DAO: variants seen among roughly 807,000 people sequenced by gnomAD.
DAO encodes the protein D-amino-acid oxidase.
DAO carries 51 observed loss-of-function variants against 50.1 expected under a neutral mutation model. The observed-to-expected ratio is 1.02, with a 90% confidence interval of 0.81 to 1.29. The LOEUF (loss-of-function observed/expected upper bound fraction) is 1.29, where lower values mean the gene tolerates loss of function less well. DAO is among the 50% of genes most tolerant of loss of function. The pLI, the probability that DAO is intolerant of heterozygous loss-of-function variation, is 0.00. For missense variants in DAO, 436 were observed against 439.4 expected (o/e 0.99, Z 0.07); for synonymous variants, 160 against 166.2 (o/e 0.96, Z 0.29).
intron 2 of DAO, among the ~76,000 whole-genome samples, chr12:108,885,982 C>T (rs1413643172): frequency 6.6e-6 from 1 of 152,134 alleles, no homozygotes. Context: ...GAACTCCTGA[C>T]CTCAAGTGAT....
In DAO at chr12:108,897,591, G is replaced by A. The variant is rs146302007; in HGVS notation, c.695+503G>A. Among the ~76,000 whole-genome samples the A allele has an allele frequency of 3.8e-4, 58 of 151,890 alleles. 1 individual carries two copies. The East Asian group carries it at 0.011, about 29-fold the overall frequency. On this transcript the variant is annotated intron_variant, in intron 8 of 10. Coordinates refer to ENST00000228476, the MANE Select transcript of DAO (RefSeq NM_001917.5). ...GACTCAGCCTCGACTGAGGTCTACCGTGAACATTCTTTTGGATGACAATAG... is the reference window on the plus strand; with the variant it reads ...GACTCAGCCTCGACTGAGGTCTACCATGAACATTCTTTTGGATGACAATAG...
chr12:108,881,174 A>ACACACACACAC lies in DAO; in HGVS notation c.-10+951_-10+961dup, dbSNP rs2039373719. On this transcript the variant is annotated intron_variant, in intron 1 of 10. Transcript: ENST00000228476. ...ACAGACATTCTAATCACACACACAC[A>ACACACACACAC]CACACACACACACACACACACACAA... 2.0e-5 allele frequency among the ~76,000 whole-genome samples: 3 copies of ACACACACACAC among 151,404 alleles called. No homozygotes were observed. The South Asian group carries it at 6.3e-4, about 32-fold the overall frequency.
intron 7 of DAO, among the ~76,000 whole-genome samples, chr12:108,894,697 A>G (rs2039528235): frequency 6.6e-6 from 1 of 152,062 alleles, no homozygotes; most frequent in Non-Finnish European, 1.5e-5. Context: ...ATTATTATTA[A>G]TTATTAATTG....
At chr12:108,898,454 G>T in intron 8 of DAO, 1 of 549,566 alleles carries the variant, frequency 1.8e-6, no homozygotes, top group East Asian at 3.3e-5. Flanking sequence ...TGGTGGTGAT[G>T]ACCTATTAAT....
chr12:108,880,604 T>C (rs539267750), intron 1 of DAO, among the ~76,000 whole-genome samples: 4 of 146,100 alleles, frequency 2.7e-5, no homozygotes, highest in African/African-American at 1.1e-4. Flanking sequence ...TTATAGCTTC[T>C]GTTCCATTTC....
At chr12:108,889,598 C>A in intron 4 of DAO, 53 bp downstream of exon 4, 1 of 1,431,124 alleles carries the variant, frequency 7.0e-7, no homozygotes, top group South Asian at 1.1e-5. Flanking sequence ...GTTAGCAGAC[C>A]TGTCCAGAAG....
intron 7 of DAO, among the ~76,000 whole-genome samples, chr12:108,895,594 G>A (rs2039544024): frequency 6.7e-6 from 1 of 148,806 alleles, no homozygotes; most frequent in African/African-American, 2.5e-5. Context: ...GTATGTACGT[G>A]TGTGATGGTG....
Position 108,884,990 on chromosome 12 carries a change from T to C in DAO, c.-9-8T>C, listed in dbSNP as rs1397005533. On this transcript the variant is annotated splice_region_variant and splice_polypyrimidine_tract_variant and intron_variant, in intron 1 of 10. Coordinates refer to ENST00000228476, the MANE Select transcript of DAO (RefSeq NM_001917.5). ...ATGATGTTGTGCCTCAACCCTTCCT[T>C]CCCACAGGCTGCTGCAATGCGTGTG... 2 of 1,613,662 alleles carry C rather than the reference T, an allele frequency of 1.2e-6. No homozygotes were observed. The highest frequency in any genetic ancestry group is 1.7e-6 in the Non-Finnish European group (2 of 1,179,652).
intron 10 of DAO, chr12:108,899,706 G>T (rs1040534113): frequency 3.5e-6 from 2 of 572,324 alleles, no homozygotes; most frequent in Non-Finnish European, 6.3e-6. Flanking sequence ...TGGAGGTGGT[G>T]CTGATGAGAT....
chr12:108,899,806 G>T (rs1399647632), intron 10 of DAO: 1 of 395,228 alleles, frequency 2.5e-6, no homozygotes, highest in Non-Finnish European at 4.8e-6. Flanking sequence ...CACAGCAGAG[G>T]TGACGATCTC....
At chr12:108,883,349 T>C (rs950821051) in intron 1 of DAO, among the ~76,000 whole-genome samples, 1 of 152,214 alleles carries the variant, frequency 6.6e-6, no homozygotes, top group Non-Finnish European at 1.5e-5. Context: ...GGTTTCACCA[T>C]CTTGGCCAGA....
rs150760302 is a variant in DAO, at chr12:108,894,327, G to A, written c.572G>A (p.Arg191Gln). 58 of 1,613,880 alleles carry A rather than the reference G, an allele frequency of 3.6e-5. No individual in the cohort carries two copies. The East Asian group carries it at 4.5e-4, about 12-fold the overall frequency. Residue 191 changes from arginine to glutamine, a missense_variant, in exon 7 of 11, where the codon CGA (arginine) becomes CAA (glutamine). Arg to Gln is a conservative substitution (Grantham distance 43, BLOSUM62 1). Coordinates refer to ENST00000228476, the MANE Select transcript of DAO (RefSeq NM_001917.5). Reference protein sequence around the residue: ...CTGVWAGALQRDPLLQPGRGQ... With the variant: ...CTGVWAGALQQDPLLQPGRGQ... ...GGGGTATGGGCTGGGGCGCTACAAC[G>A]AGACCCCCTGCTGCAGCCAGGCCGG...
intron 3 of DAO, 26 bp downstream of exon 3, chr12:108,887,590 G>A (rs1346413738): frequency 1.3e-6 from 2 of 1,539,102 alleles, no homozygotes; most frequent in Non-Finnish European, 9.0e-7. Flanking sequence ...TTGACCATGA[G>A]GGATGAGCAC....
chr12:108,897,660 C>A (rs1264284772), intron 8 of DAO, among the ~76,000 whole-genome samples: 2 of 151,746 alleles, frequency 1.3e-5, no homozygotes, highest in African/African-American at 2.4e-5. Context: ...TGTGGTGACA[C>A]TAAAAGTGGT....
intron 6 of DAO, 66 bp downstream of exon 6, chr12:108,893,102 C>A: frequency 6.8e-7 from 1 of 1,469,918 alleles, no homozygotes; most frequent in Non-Finnish European, 9.5e-7. Context: ...CTTCTTGCTG[C>A]TGAGTCGGGG....
At chr12:108,898,863 A>G in intron 9 of DAO, 67 bp downstream of exon 9, 3 of 1,018,652 alleles carry the variant, frequency 2.9e-6, no homozygotes, top group Non-Finnish European at 4.7e-6. Flanking sequence ...AGGACACTTC[A>G]GGACGGGAAG....
intron 8 of DAO, 68 bp downstream of exon 8, chr12:108,897,156 C>T: frequency 9.5e-7 from 1 of 1,051,228 alleles, no homozygotes; most frequent in South Asian, 1.3e-5. Context: ...CCTGCTGCCT[C>T]CCCCAAGCTC....
chr12:108,883,742 G>T (rs1244001379), intron 1 of DAO: 1 of 415,962 alleles, frequency 2.4e-6, no homozygotes, highest in East Asian at 7.4e-5. Flanking sequence ...CCAAGCTCGG[G>T]CTCGAAGCTG....
At chr12:108,898,624 T>C in intron 8 of DAO, 55 bp from the exon 9 acceptor site, 1 of 1,188,798 alleles carries the variant, frequency 8.4e-7, no homozygotes, top group Non-Finnish European at 1.3e-6. Flanking sequence ...ATGACCTTTA[T>C]TCATCTCAGA....
Sources: gnomAD v4.1 joint callset for allele counts (sites outside exome capture counted in the v4.1 genomes callset) on GRCh38, gnomAD v4.1.1 for gene constraint, MANE v1.5 for transcripts, NCBI Gene and HGNC (gene_info 2026-07-23, HGNC 2026-07-21) for gene names.